RALYL: variants seen among roughly 807,000 people sequenced by gnomAD.
RALYL encodes the protein RALY RNA binding protein like.
Under a neutral mutation model 35.1 loss-of-function variants are expected in RALYL, and 29 were observed. The ratio of observed to expected loss-of-function variants is 0.83; its 90% CI spans 0.61 to 1.13. RALYL has a LOEUF of 1.13. Among genes scored for constraint, RALYL ranks in the 50% most tolerant of loss-of-function variants. The pLI is 0.00. For synonymous variants in RALYL, 120 were observed against 127.6 expected (o/e 0.94, Z 0.40); for missense variants, 359 against 360.4 (o/e 1.00, Z 0.03).
At chr8:84,475,156 T>C (rs188117131) in intron 1 of RALYL, among the ~76,000 whole-genome samples, 1 of 151,880 alleles carries the variant, frequency 6.6e-6, no homozygotes, top group East Asian at 1.9e-4. Context: ...TGAGAACATG[T>C]GGTGTTTGGT....
intron 2 of RALYL, among the ~76,000 whole-genome samples, chr8:84,635,782 A>G (rs910769645): frequency 7.9e-5 from 12 of 151,792 alleles, no homozygotes; most frequent in Admixed American, 7.9e-4. Context: ...GAATGGAAAT[A>G]TTCAATCAAT....
intron 2 of RALYL, among the ~76,000 whole-genome samples, chr8:84,575,344 TA>T (rs1315918901): frequency 6.6e-6 from 1 of 151,524 alleles, no homozygotes; most frequent in African/African-American, 2.4e-5. Flanking sequence ...ATTTTAAACA[TA>T]ACTTAAGATA....
chr8:84,560,758 C>T (rs1487421865), intron 2 of RALYL, among the ~76,000 whole-genome samples: 2 of 151,808 alleles, frequency 1.3e-5, no homozygotes, highest in African/African-American at 2.4e-5. Context: ...GGTTGACCAC[C>T]GCAGAGAGGC....
In RALYL at chr8:84,453,122, A is replaced by C. The variant is rs573221028; in HGVS notation, c.-23-76177A>C. Among the ~76,000 whole-genome samples the C allele has an allele frequency of 3.3e-5, 5 of 152,100 alleles. No homozygotes were observed. In the East Asian group the frequency reaches 9.7e-4, roughly 30 times the overall value. ...ATGTGATATTATGTTATTTCGTTTG[A>C]GCAAGTAGCAATTTTAAACACATGT... On this transcript the variant is annotated intron_variant, in intron 1 of 8. Transcript: ENST00000521268.
intron 1 of RALYL, among the ~76,000 whole-genome samples, chr8:84,450,288 G>A (rs1335584750): frequency 6.6e-6 from 1 of 151,798 alleles, no homozygotes; most frequent in Admixed American, 6.6e-5. Flanking sequence ...GGAAACTTTT[G>A]ACAGGGGAAA....
chr8:84,201,138 A>G (rs1816729161), intron 1 of RALYL, among the ~76,000 whole-genome samples: 1 of 152,176 alleles, frequency 6.6e-6, no homozygotes, highest in South Asian at 2.1e-4. Flanking sequence ...ATTTCCAGCT[A>G]CAAAATGTGA....
intron 1 of RALYL, among the ~76,000 whole-genome samples, chr8:84,524,619 A>C (rs1263207278): frequency 6.6e-6 from 1 of 152,186 alleles, no homozygotes; most frequent in Non-Finnish European, 1.5e-5. Flanking sequence ...CTCCAAAAAA[A>C]TATTTTATCT....
At chr8:84,726,006 C>T (rs1844880061) in intron 2 of RALYL, among the ~76,000 whole-genome samples, 1 of 151,070 alleles carries the variant, frequency 6.6e-6, no homozygotes, top group South Asian at 2.1e-4. Flanking sequence ...TTAAACAAAG[C>T]AATTTAAATT....
At chr8:84,671,633 C>A (rs1242796951) in intron 2 of RALYL, among the ~76,000 whole-genome samples, 1 of 152,172 alleles carries the variant, frequency 6.6e-6, no homozygotes, top group African/African-American at 2.4e-5. Context: ...GGGCTTCCAC[C>A]CTCTGAAGCC....
intron 1 of RALYL, among the ~76,000 whole-genome samples, chr8:84,219,429 T>C (rs555901725): frequency 6.6e-6 from 1 of 152,170 alleles, no homozygotes; most frequent in East Asian, 1.9e-4. Flanking sequence ...TCTTTTCCAT[T>C]TATAAGTTAC....
At chr8:84,543,966 T>C (rs938742990) in intron 2 of RALYL, among the ~76,000 whole-genome samples, 1 of 152,078 alleles carries the variant, frequency 6.6e-6, no homozygotes, top group Admixed American at 6.6e-5. Context: ...TCATTTGCTT[T>C]ATCCCACAAT....
At chr8:84,541,775 T>C (rs1269560413) in intron 2 of RALYL, among the ~76,000 whole-genome samples, 1 of 152,110 alleles carries the variant, frequency 6.6e-6, no homozygotes, top group African/African-American at 2.4e-5. Context: ...ATCTTCCTAA[T>C]GTAGTCATCC....
chr8:84,574,749 G>A (rs896765090), intron 2 of RALYL, among the ~76,000 whole-genome samples: 4 of 150,684 alleles, frequency 2.7e-5, no homozygotes, highest in South Asian at 2.1e-4. Context: ...CAGTAGGCTC[G>A]AGGTGATTTT....
chr8:84,510,918 C>A (rs1349657944), intron 1 of RALYL, among the ~76,000 whole-genome samples: 1 of 152,076 alleles, frequency 6.6e-6, no homozygotes, highest in African/African-American at 2.4e-5. Flanking sequence ...TCAATCACCT[C>A]ACTCACCTAT....
At chr8:84,702,704 T>A (rs1840423553) in intron 2 of RALYL, among the ~76,000 whole-genome samples, 1 of 152,198 alleles carries the variant, frequency 6.6e-6, no homozygotes, top group East Asian at 1.9e-4. Context: ...TATTATACAT[T>A]TATATTAAAA....
chr8:84,269,376 G>T (rs2131915660), intron 1 of RALYL, among the ~76,000 whole-genome samples: 1 of 152,280 alleles, frequency 6.6e-6, no homozygotes. Context: ...AATGTGGGAT[G>T]CAGGTCTCCT....
At chr8:84,800,981 A>AGTT (rs1235040352) in intron 3 of RALYL, among the ~76,000 whole-genome samples, 1 of 152,154 alleles carries the variant, frequency 6.6e-6, no homozygotes, top group Non-Finnish European at 1.5e-5. Context: ...AAACTCCTTG[A>AGTT]GTTGGCTATG....
At chr8:84,734,296 C>G (rs551617676) in intron 2 of RALYL, among the ~76,000 whole-genome samples, 1 of 152,058 alleles carries the variant, frequency 6.6e-6, no homozygotes, top group Non-Finnish European at 1.5e-5. Flanking sequence ...AATATCTTTA[C>G]TCATCTTTTT....
intron 1 of RALYL, among the ~76,000 whole-genome samples, chr8:84,498,065 T>G (rs879589947): frequency 6.6e-5 from 10 of 151,982 alleles, no homozygotes; most frequent in Non-Finnish European, 1.0e-4. Context: ...ATTGAACCCA[T>G]CACTAAGGTT....
Sources: gnomAD v4.1 joint callset for allele counts (sites outside exome capture counted in the v4.1 genomes callset) on GRCh38, gnomAD v4.1.1 for gene constraint, MANE v1.5 for transcripts, NCBI Gene and HGNC (gene_info 2026-07-23, HGNC 2026-07-21) for gene names.